The following CGNL1 variants were observed in gnomAD, a reference collection of about 807,000 sequenced individuals.
CGNL1 encodes cingulin-like protein 1.
In CGNL1, 132 loss-of-function variants were observed where a neutral mutation model predicts 141.2. That is an observed-to-expected ratio of 0.93 (90% CI 0.81 to 1.08). The LOEUF is 1.08. Ranked by LOEUF, CGNL1 falls within the 50% of genes least tolerant of loss-of-function variation. The probability of loss-of-function intolerance (pLI) is 0.00; values close to 1 mark genes in which losing one functional copy is unlikely to be tolerated. For missense variants in CGNL1, 1,870 were observed against 1,588.6 expected, an observed-to-expected ratio of 1.18 and a Z score of -3.01; for synonymous variants, 690 against 622.1, an observed-to-expected ratio of 1.11 and a Z score of -1.63.
At chr15:57,444,470 T>G (rs1189302100) in intron 4 of CGNL1, among the ~76,000 whole-genome samples, 7 of 152,312 alleles carry the variant, frequency 4.6e-5, no homozygotes, top group African/African-American at 1.7e-4. Flanking sequence ...GAGTTGTGAG[T>G]TAGGCATGTG....
chr15:57,516,881 G>C lies in CGNL1; in HGVS notation c.2505G>C (p.Gln835His), dbSNP rs1764681374. The C allele has an allele frequency of 1.2e-6, 2 of 1,614,158 alleles. No homozygotes were observed. The highest frequency in any genetic ancestry group is 1.7e-6 in the Non-Finnish European group (2 of 1,180,028). ...TGCAGGAGGAGAATGAGAAGCTGCAGGGAAGAAGCGAAGAGCTGGAGCGGA... is the reference window on the plus strand; with the variant it reads ...TGCAGGAGGAGAATGAGAAGCTGCACGGAAGAAGCGAAGAGCTGGAGCGGA... ...KLLQEENEKL[Q>H]GRSEELERRV... The change falls in exon 9 of 19, where the codon CAG becomes CAC. Residue 835 changes from glutamine (Q) to histidine (H), a missense_variant. Gln to His is a conservative substitution (Grantham distance 24). Coordinates refer to ENST00000281282, the MANE Select transcript of CGNL1 (RefSeq NM_032866.5).
intron 1 of CGNL1, among the ~76,000 whole-genome samples, chr15:57,431,448 A>G (rs993368963): frequency 6.6e-6 from 1 of 152,222 alleles, no homozygotes; most frequent in Non-Finnish European, 1.5e-5. Context: ...TCTTTCTGTC[A>G]TGTTAGGGAA....
In CGNL1 at chr15:57,546,133, G is replaced by C; in HGVS notation, c.3667G>C (p.Asp1223His). The C allele has an allele frequency of 6.2e-7, 1 of 1,613,980 alleles. No homozygotes were observed. The highest frequency in any genetic ancestry group is 8.5e-7 in the Non-Finnish European group (1 of 1,179,972). ...GGTGGAGGAGGCTGAGGAGGAAATCGACAGACTGGAAAGTTCTAAAAAGAA... is the reference window on the plus strand; with the variant it reads ...GGTGGAGGAGGCTGAGGAGGAAATCCACAGACTGGAAAGTTCTAAAAAGAA... ...RQVEEAEEEIDRLESSKKKLQ... is the reference protein window; with the variant it reads ...RQVEEAEEEIHRLESSKKKLQ... Residue 1223 changes from aspartate (D) to histidine (H), a missense_variant, in exon 18 of 19, where the codon GAC (aspartate) becomes CAC (histidine). Transcript: ENST00000281282.
Position 57,438,030 on chromosome 15 carries a change from G to A in CGNL1, c.31G>A (p.Val11Met), listed in dbSNP as rs779543265. The A allele has an allele frequency of 3.7e-6, 6 of 1,613,372 alleles. No individual in the cohort carries two copies. The highest frequency in any genetic ancestry group is 5.1e-6 in the Non-Finnish European group (6 of 1,179,978). Residue 11 changes from valine to methionine, a missense_variant, in exon 2 of 19, where the codon GTG (valine) becomes ATG (methionine). Coordinates refer to ENST00000281282, the MANE Select transcript of CGNL1 (RefSeq NM_032866.5). ...GCTGTATTTCGGTGAATATCAACATGTGCAGCAGGAATATGGGGTCCATCT... is the reference window on the plus strand; with the variant it reads ...GCTGTATTTCGGTGAATATCAACATATGCAGCAGGAATATGGGGTCCATCT... MELYFGEYQH[V>M]QQEYGVHLRL... is the part of the protein sequence containing the mutation.
At chr15:57,481,817 T>C (rs1412695628) in intron 8 of CGNL1, among the ~76,000 whole-genome samples, 1 of 152,216 alleles carries the variant, frequency 6.6e-6, no homozygotes, top group African/African-American at 2.4e-5. Context: ...ATTACATGTT[T>C]AGCTTTTAAA....
chr15:57,500,960 C>T (rs2064015528), intron 8 of CGNL1, among the ~76,000 whole-genome samples: 1 of 152,188 alleles, frequency 6.6e-6, no homozygotes, highest in Non-Finnish European at 1.5e-5. Flanking sequence ...TAGCCCATGA[C>T]ACTGCTAAAA....
Position 57,438,287 on chromosome 15 carries a change from G to A in CGNL1, c.288G>A (p.Glu96=). The A allele has an allele frequency of 6.2e-7, 1 of 1,614,156 alleles. No homozygotes were observed. Among genetic ancestry groups the A allele is most frequent in the African/African-American group, 1.3e-5 (1 of 75,030 alleles). ...CCAGCAATGGTTCTGTGCCAAAGGA[G>A]AACAGTGAAGAACTTCAGCTTCCAG... ...LHSSNGSVPK[E]NSEELQLPEN... The change falls in exon 2 of 19, where the codon GAG becomes GAA. Residue 96 remains glutamate (E), a synonymous_variant. Coordinates refer to ENST00000281282, the MANE Select transcript of CGNL1 (RefSeq NM_032866.5).
intron 8 of CGNL1, among the ~76,000 whole-genome samples, chr15:57,476,821 C>T (rs1350153480): frequency 2.0e-5 from 3 of 152,178 alleles, no homozygotes; most frequent in African/African-American, 4.8e-5. Context: ...GTGACTGCAG[C>T]AGTTTTCACA....
At chr15:57,513,180 C>T (rs1208184426) in intron 8 of CGNL1, among the ~76,000 whole-genome samples, 1 of 151,826 alleles carries the variant, frequency 6.6e-6, no homozygotes, top group Non-Finnish European at 1.5e-5. Flanking sequence ...CTGTAGCAGC[C>T]CAGGGCAATC....
At chr15:57,534,171 A>G (rs1268323199) in intron 14 of CGNL1, among the ~76,000 whole-genome samples, 7 of 151,972 alleles carry the variant, frequency 4.6e-5, no homozygotes, top group Non-Finnish European at 8.8e-5. Context: ...TTACATGCCT[A>G]AAAAGATGAG....
chr15:57,437,143 C>T (rs1476071554), intron 1 of CGNL1, among the ~76,000 whole-genome samples: 5 of 152,192 alleles, frequency 3.3e-5, no homozygotes, highest in Non-Finnish European at 7.3e-5. Context: ...GGTGAGCTCT[C>T]TGCAGTCATC....
chr15:57,402,986 T>C (rs2062676603), intron 1 of CGNL1, among the ~76,000 whole-genome samples: 1 of 152,072 alleles, frequency 6.6e-6, no homozygotes, highest in Admixed American at 6.5e-5. Context: ...ATATAAGGGG[T>C]GGGCACTTTT....
intron 1 of CGNL1, among the ~76,000 whole-genome samples, chr15:57,406,262 T>C (rs11071312): frequency 6.6e-6 from 1 of 151,888 alleles, no homozygotes. Flanking sequence ...GGAAGGGCAC[T>C]GTGAAGAGGG....
chr15:57,376,769 G>C (rs2062367716), intron 1 of CGNL1, among the ~76,000 whole-genome samples: 1 of 151,832 alleles, frequency 6.6e-6, no homozygotes, highest in Admixed American at 6.5e-5. Context: ...CCCGCGCCGC[G>C]CCCCGCCGAG....
intron 4 of CGNL1, among the ~76,000 whole-genome samples, chr15:57,447,495 G>A (rs1002541887): frequency 3.9e-5 from 6 of 152,172 alleles, no homozygotes; most frequent in South Asian, 2.1e-4. Flanking sequence ...ATCATTCTTA[G>A]TGTTATTCTC....
Position 57,461,781 on chromosome 15 carries a change from G to A in CGNL1, c.2292G>A (p.Lys764=), listed in dbSNP as rs1400751116. ...GAGAGCGTGAACTCACCGCCCTGAA[G>A]GGAGCCCTGAAAGAAGAGGTTTCCA... ...RKRERELTAL[K]GALKEEVSSH... is the part of the protein sequence containing the mutation. The change falls in exon 8 of 19, where the codon AAG becomes AAA. Residue 764 remains lysine (K), a synonymous_variant. Transcript: ENST00000281282. 1 of 1,614,018 alleles carries A rather than the reference G, an allele frequency of 6.2e-7. No individual in the cohort carries two copies. The highest frequency in any genetic ancestry group is 1.3e-5 in the African/African-American group (1 of 74,928).
intron 1 of CGNL1, among the ~76,000 whole-genome samples, chr15:57,384,568 C>T (rs76930725): frequency 0.013 from 1,987 of 152,272 alleles, 45 homozygotes; most frequent in African/African-American, 0.045. Flanking sequence ...AACTCACCCA[C>T]GTATTTCTTC....
intron 8 of CGNL1, chr15:57,478,133 T>G (rs1017239520): frequency 6.6e-6 from 1 of 152,200 alleles, no homozygotes; most frequent in Admixed American, 6.5e-5. Flanking sequence ...CGGCCCTGTT[T>G]GCATCCAGCA....
intron 6 of CGNL1, among the ~76,000 whole-genome samples, chr15:57,453,422 G>A (rs2063343361): frequency 6.6e-6 from 1 of 152,102 alleles, no homozygotes; most frequent in Non-Finnish European, 1.5e-5. Context: ...CTCCTTTTGG[G>A]GAGAAAATGT....
Sources: allele counts gnomAD v4.1 joint callset (sites outside exome capture counted in the v4.1 genomes callset), GRCh38; gene constraint gnomAD v4.1.1; transcripts MANE v1.5; gene names NCBI Gene and HGNC (gene_info 2026-07-23, HGNC 2026-07-21).